The following ARL15 variants were observed in gnomAD, a reference collection of about 807,000 sequenced individuals.
ARL15 encodes ARF like GTPase 15.
ARL15 carries 19 observed loss-of-function variants against 25.2 expected under a neutral mutation model. The observed-to-expected ratio is 0.75, with a 90% CI of 0.53 to 1.10. The LOEUF (loss-of-function observed/expected upper bound fraction) is 1.10, where lower values mean the gene tolerates loss of function less well. ARL15 is among the 50% of genes least tolerant of loss of function. The pLI, the probability that ARL15 is intolerant of heterozygous loss-of-function variation, is 0.00. For synonymous variants in ARL15, 94 were observed against 86.8 expected, an observed-to-expected ratio of 1.08 and a Z score of -0.46; for missense variants, 220 against 246.0, an observed-to-expected ratio of 0.89 and a Z score of 0.71.
chr5:54,279,544 C>T (rs1001482044), intron 1 of ARL15, among the ~76,000 whole-genome samples: 5 of 152,184 alleles, frequency 3.3e-5, no homozygotes, highest in African/African-American at 1.2e-4. Flanking sequence ...CTCATCTAAA[C>T]CTAATTATCT....
intron 1 of ARL15, among the ~76,000 whole-genome samples, chr5:54,250,566 A>G (rs1388669961): frequency 6.6e-6 from 1 of 152,182 alleles, no homozygotes; most frequent in Non-Finnish European, 1.5e-5. Context: ...GAGGAGTAGA[A>G]ATGAAGGTCG....
chr5:54,142,767 A>G (rs147792324), intron 3 of ARL15, among the ~76,000 whole-genome samples: 23 of 151,622 alleles, frequency 1.5e-4, no homozygotes, highest in Admixed American at 4.6e-4. Flanking sequence ...ACTGGAAGTG[A>G]AAAAAAAATC....
chr5:54,075,962 C>T (rs960617773), intron 4 of ARL15, among the ~76,000 whole-genome samples: 3 of 152,130 alleles, frequency 2.0e-5, no homozygotes, highest in Non-Finnish European at 4.4e-5. Flanking sequence ...TGTCTTTTAA[C>T]CCATTATACT....
chr5:54,021,303 C>A (rs1379192867), intron 4 of ARL15, among the ~76,000 whole-genome samples: 3 of 152,154 alleles, frequency 2.0e-5, no homozygotes, highest in Non-Finnish European at 1.5e-5. Context: ...CCATTGCACT[C>A]CAGCCTGGGC....
chr5:54,173,655 C>T lies in ARL15; in HGVS notation c.49-1727G>A, dbSNP rs186077202. ...CACCTGAACAACATCAATATCCTCC[C>T]ACTAGTTCCAGTATATTTGCTCTTG... On this transcript the variant is annotated intron_variant, in intron 1 of 4. Coordinates refer to ENST00000504924, the MANE Select transcript of ARL15 (RefSeq NM_019087.3). 4.6e-5 allele frequency among the ~76,000 whole-genome samples: 7 copies of T among 152,294 alleles called. No individual in the cohort carries two copies. In the East Asian group the frequency reaches 1.4e-3, roughly 29 times the overall value.
chr5:54,196,131 AT>A (rs1755542180), intron 1 of ARL15, among the ~76,000 whole-genome samples: 1 of 152,174 alleles, frequency 6.6e-6, no homozygotes, highest in Non-Finnish European at 1.5e-5. Flanking sequence ...TACATGGTTA[AT>A]TTTAAACTAT....
chr5:54,073,505 T>C (rs540202670), intron 4 of ARL15, among the ~76,000 whole-genome samples: 2 of 151,880 alleles, frequency 1.3e-5, no homozygotes, highest in South Asian at 2.1e-4. Flanking sequence ...TGTTACCATT[T>C]CACTTCAGAA....
rs774942001 is a variant in ARL15, at chr5:53,941,490, A to G, written c.463-54777T>C. ...ATTATTGGGTTTAGATCATTTTCTT[A>G]AGAATCAAAAAAGTTTTTCTAGGGC... On this transcript the variant is annotated intron_variant, in intron 4 of 4. Coordinates refer to ENST00000504924, the MANE Select transcript of ARL15 (RefSeq NM_019087.3). Among the ~76,000 whole-genome samples the G allele has an allele frequency of 7.2e-5, 11 of 152,350 alleles. 1 individual carries two copies. The Middle Eastern group carries it at 0.01, about 141-fold the overall frequency.
chr5:53,992,155 T>C (rs889520651), intron 4 of ARL15, among the ~76,000 whole-genome samples: 3 of 152,196 alleles, frequency 2.0e-5, no homozygotes, highest in Admixed American at 6.5e-5. Flanking sequence ...CCATCTAATG[T>C]TGAAGCTGTG....
chr5:53,934,727 T>C (rs1746302864), intron 4 of ARL15, among the ~76,000 whole-genome samples: 1 of 152,220 alleles, frequency 6.6e-6, no homozygotes. Flanking sequence ...TATTTTCATA[T>C]TTGTCAGCTC....
intron 1 of ARL15, among the ~76,000 whole-genome samples, chr5:54,303,655 C>CAAA (rs749656181): frequency 6.2e-5 from 2 of 32,224 alleles, no homozygotes; most frequent in Non-Finnish European, 1.3e-4. Flanking sequence ...GAGACCCTGT[C>CAAA]AAAAAAAAAA....
intron 4 of ARL15, among the ~76,000 whole-genome samples, chr5:53,942,107 A>G (rs1323260284): frequency 6.6e-6 from 1 of 152,158 alleles, no homozygotes; most frequent in East Asian, 1.9e-4. Context: ...CTAGGGTGGT[A>G]ATACTGTAGG....
At chr5:54,014,212 A>C (rs1163409323) in intron 4 of ARL15, among the ~76,000 whole-genome samples, 1 of 152,154 alleles carries the variant, frequency 6.6e-6, no homozygotes, top group Non-Finnish European at 1.5e-5. Flanking sequence ...TCCCTGGTAT[A>C]ATGAGTATTT....
In ARL15 at chr5:53,991,380, A is replaced by G. The variant is rs190644217; in HGVS notation, c.463-104667T>C. Reference sequence around the variant, plus strand: ...AATATGATGAAACTCCATCTCTACTAAAAATACAAAAATTAGCCAGGTGTG... The same window carrying G: ...AATATGATGAAACTCCATCTCTACTGAAAATACAAAAATTAGCCAGGTGTG... On this transcript the variant is annotated intron_variant, in intron 4 of 4. Transcript: ENST00000504924. 4.7e-3 allele frequency among the ~76,000 whole-genome samples: 720 copies of G among 152,022 alleles called. 3 individuals are homozygous for G. The highest frequency in any genetic ancestry group is 8.2e-3 in the Admixed American group (125 of 15,262).
chr5:54,066,813 CTA>C (rs1423028872), intron 4 of ARL15, among the ~76,000 whole-genome samples: 22 of 151,676 alleles, frequency 1.5e-4, no homozygotes, highest in African/African-American at 4.6e-4. Context: ...AATTGTCTTA[CTA>C]TACAAGAAAC....
At chr5:53,940,230 C>G (rs1746498478) in intron 4 of ARL15, among the ~76,000 whole-genome samples, 1 of 152,104 alleles carries the variant, frequency 6.6e-6, no homozygotes, top group Non-Finnish European at 1.5e-5. Flanking sequence ...ACCTTGGCCT[C>G]CCAAAGTGCT....
At chr5:53,890,802 G>A (rs1391171124) in intron 4 of ARL15, among the ~76,000 whole-genome samples, 1 of 152,194 alleles carries the variant, frequency 6.6e-6, no homozygotes, top group Non-Finnish European at 1.5e-5. Flanking sequence ...CAATATAACA[G>A]AGACGACTCG....
intron 1 of ARL15, among the ~76,000 whole-genome samples, chr5:54,262,265 A>G (rs1461346133): frequency 6.6e-6 from 1 of 152,190 alleles, no homozygotes; most frequent in Non-Finnish European, 1.5e-5. Flanking sequence ...TATAGCCAAG[A>G]CTGGACTCTT....
At chr5:54,242,277 A>T (rs536303887) in intron 1 of ARL15, among the ~76,000 whole-genome samples, 1 of 152,326 alleles carries the variant, frequency 6.6e-6, no homozygotes, top group African/African-American at 2.4e-5. Flanking sequence ...ACAAATATTT[A>T]GGGAATATAT....
Sources: gnomAD v4.1 joint callset for allele counts (sites outside exome capture counted in the v4.1 genomes callset) on GRCh38, gnomAD v4.1.1 for gene constraint, MANE v1.5 for transcripts, NCBI Gene and HGNC (gene_info 2026-07-23, HGNC 2026-07-21) for gene names.